TNR: variants seen among roughly 807,000 people sequenced by gnomAD.
TNR encodes tenascin R, also known as tenascin-R.
In TNR, 45 loss-of-function variants were observed where a neutral mutation model predicts 150.4. That is an observed-to-expected ratio of 0.30 (90% CI 0.24 to 0.38). The LOEUF (loss-of-function observed/expected upper bound fraction) is 0.38, where lower values mean the gene tolerates loss of function less well. Ranked by LOEUF, TNR falls within the 10% of genes least tolerant of loss-of-function variation. TNR has a pLI of 1.00. For missense variants in TNR, 1,544 were observed against 1,759.1 expected, an observed-to-expected ratio of 0.88 and a Z score of 2.19; for synonymous variants, 687 against 678.4, an observed-to-expected ratio of 1.01 and a Z score of -0.20.
At chr1:175,711,275 G>A (rs546389592) in intron 1 of TNR, among the ~76,000 whole-genome samples, 1 of 152,238 alleles carries the variant, frequency 6.6e-6, no homozygotes, top group East Asian at 1.9e-4. Flanking sequence ...GGTGCCATTT[G>A]AGCAAGACTT....
chr1:175,616,189 G>A (rs1447485371), intron 1 of TNR, among the ~76,000 whole-genome samples: 1 of 152,166 alleles, frequency 6.6e-6, no homozygotes, highest in Non-Finnish European at 1.5e-5. Context: ...GTTCTGTTCA[G>A]AAGTATTCTC....
intron 1 of TNR, among the ~76,000 whole-genome samples, chr1:175,738,140 G>A (rs1210891806): frequency 1.1e-4 from 17 of 152,126 alleles, no homozygotes; most frequent in Admixed American, 1.1e-3. Flanking sequence ...CTGCTTGAAC[G>A]TCATAGGGAA....
At chr1:175,718,728 T>C (rs1293236760) in intron 1 of TNR, among the ~76,000 whole-genome samples, 1 of 152,196 alleles carries the variant, frequency 6.6e-6, no homozygotes, top group Non-Finnish European at 1.5e-5. Context: ...GCTTGGGAGA[T>C]CTGTCACATG....
At chr1:175,516,470 T>G (rs962792087) in intron 2 of TNR, among the ~76,000 whole-genome samples, 1 of 152,208 alleles carries the variant, frequency 6.6e-6, no homozygotes, top group Non-Finnish European at 1.5e-5. Context: ...GTGTGGTCCA[T>G]TTCCTGATAA....
chr1:175,574,276 C>A (rs1571625661), intron 1 of TNR, among the ~76,000 whole-genome samples: 1 of 152,220 alleles, frequency 6.6e-6, no homozygotes, highest in Non-Finnish European at 1.5e-5. Context: ...CCTTTCTCCC[C>A]ACCCTGGGTG....
At position 175,513,980 on chromosome 1, in the gene TNR, C is replaced by G. The variant is rs115584248; in HGVS notation, c.-64+14289G>C. 2.1e-3 allele frequency among the ~76,000 whole-genome samples: 316 copies of G among 152,186 alleles called. 1 individual carries two copies. Among genetic ancestry groups the G allele is most frequent in the African/African-American group, 7.3e-3 (301 of 41,514 alleles). On this transcript the variant is annotated intron_variant, in intron 2 of 22. Transcript: ENST00000367674. Reference sequence around the variant, plus strand: ...CACCATTGGAAGGTCCACACTGGACCCATGAGGTTATGTAAAGGATCACTT... The same window carrying G: ...CACCATTGGAAGGTCCACACTGGACGCATGAGGTTATGTAAAGGATCACTT...
intron 8 of TNR, among the ~76,000 whole-genome samples, chr1:175,380,648 T>C (rs776120838): frequency 6.6e-6 from 1 of 151,736 alleles, no homozygotes; most frequent in Non-Finnish European, 1.5e-5. Flanking sequence ...CTGAGTTCCA[T>C]CAACCACAAT....
At chr1:175,662,022 G>C (rs554313546) in intron 1 of TNR, among the ~76,000 whole-genome samples, 1 of 152,192 alleles carries the variant, frequency 6.6e-6, no homozygotes, top group African/African-American at 2.4e-5. Flanking sequence ...CAAAGGCAAA[G>C]AGCTTGGCCT....
chr1:175,710,926 C>A (rs1424368096), intron 1 of TNR, among the ~76,000 whole-genome samples: 2 of 152,096 alleles, frequency 1.3e-5, no homozygotes, highest in African/African-American at 4.8e-5. Flanking sequence ...CACAGGCGTG[C>A]CTTTGCTGCT....
intron 18 of TNR, among the ~76,000 whole-genome samples, chr1:175,351,621 C>T (rs542570665): frequency 2.0e-5 from 3 of 152,322 alleles, no homozygotes; most frequent in African/African-American, 4.8e-5. Context: ...GTGCAAGATA[C>T]TTTCACATGC....
At chr1:175,404,941 T>C (rs1653879202) in intron 3 of TNR, among the ~76,000 whole-genome samples, 1 of 152,240 alleles carries the variant, frequency 6.6e-6, no homozygotes, top group Non-Finnish European at 1.5e-5. Context: ...TGAAATATTT[T>C]AGTCCTCAGT....
At chr1:175,683,512 C>T (rs1217025443) in intron 1 of TNR, among the ~76,000 whole-genome samples, 3 of 152,192 alleles carry the variant, frequency 2.0e-5, no homozygotes, top group Non-Finnish European at 2.9e-5. Context: ...GTGAGTCTGG[C>T]AGGTGGAGCC....
chr1:175,431,936 C>CCTTCTCTCTCTCT (rs1655289440), intron 2 of TNR, among the ~76,000 whole-genome samples: 2 of 52,352 alleles, frequency 3.8e-5, no homozygotes, highest in Non-Finnish European at 7.0e-5. Context: ...TCTCTCTCTC[C>CCTTCTCTCTCTCT]CTCTGTCTCT....
chr1:175,606,889 C>A (rs1179700219), intron 1 of TNR, among the ~76,000 whole-genome samples: 1 of 152,234 alleles, frequency 6.6e-6, no homozygotes, highest in Non-Finnish European at 1.5e-5. Flanking sequence ...GCCCAGTGCA[C>A]TCCAGGGCTC....
chr1:175,735,559 G>T (rs1667749529), intron 1 of TNR, among the ~76,000 whole-genome samples: 1 of 152,190 alleles, frequency 6.6e-6, no homozygotes, highest in Admixed American at 6.5e-5. Flanking sequence ...GCAGGCAGCA[G>T]CTTCTGTCCC....
intron 1 of TNR, among the ~76,000 whole-genome samples, chr1:175,594,258 TG>T (rs564475467): frequency 1.8e-3 from 276 of 152,120 alleles, no homozygotes; most frequent in African/African-American, 6.5e-3. Context: ...TTCAGTTCTC[TG>T]AATCTGTATA....
chr1:175,599,887 C>T lies in TNR; in HGVS notation c.-164-71518G>A, dbSNP rs561747275. On this transcript the variant is annotated intron_variant, in intron 1 of 22. Transcript: ENST00000367674. The surrounding 1 kb of genome is among the most constrained non-coding windows in gnomAD (Gnocchi z 4.7). ...ACTCGGGATGGAGGCAACCCCTCGG[C>T]GTGGGGATGCTGAGGCAGGCAAGAG... is the stretch of plus-strand genomic sequence containing the variant. 6.6e-5 allele frequency among the ~76,000 whole-genome samples: 10 copies of T among 152,260 alleles called. No individual in the cohort carries two copies. The highest frequency in any genetic ancestry group is 2.4e-4 in the African/African-American group (10 of 41,548).
Position 175,607,334 on chromosome 1 carries a change from T to G in TNR, c.-164-78965A>C, listed in dbSNP as rs564140605. ...TTCATAGAAGCCCAAATGGAATCCC[T>G]GGCACTACAGTCCTGCTAAGCATTT... On this transcript the variant is annotated intron_variant, in intron 1 of 22. Transcript: ENST00000367674. 2.0e-5 allele frequency among the ~76,000 whole-genome samples: 3 copies of G among 152,326 alleles called. No individual in the cohort carries two copies. In the East Asian group the frequency reaches 5.8e-4, roughly 29 times the overall value.
intron 1 of TNR, among the ~76,000 whole-genome samples, chr1:175,670,620 G>A (rs1665669637): frequency 6.6e-6 from 1 of 152,106 alleles, no homozygotes; most frequent in South Asian, 2.1e-4. Flanking sequence ...AGGTCGCTGG[G>A]GACAAGAGGA....
Sources: allele counts gnomAD v4.1 joint callset (sites outside exome capture counted in the v4.1 genomes callset), GRCh38; gene constraint gnomAD v4.1.1; non-coding constraint Gnocchi (gnomAD v3.1); transcripts MANE v1.5; gene names NCBI Gene and HGNC (gene_info 2026-07-23, HGNC 2026-07-21).